NUBPL: variants seen among roughly 807,000 people sequenced by gnomAD.
NUBPL encodes iron-sulfur cluster transfer protein NUBPL.
NUBPL carries 31 observed loss-of-function variants against 45.7 expected under a neutral mutation model. The observed-to-expected ratio is 0.68, with a 90% CI of 0.51 to 0.92. NUBPL has a LOEUF of 0.92. Ranked by LOEUF, NUBPL falls within the 40% of genes least tolerant of loss-of-function variation. NUBPL has a pLI of 0.00. For missense variants in NUBPL, 401 were observed against 398.7 expected (o/e 1.01, Z -0.05); for synonymous variants, 144 against 140.9 (o/e 1.02, Z -0.15).
intron 3 of NUBPL, among the ~76,000 whole-genome samples, chr14:31,593,513 CAAAAA>C (rs34026301): frequency 8.0e-5 from 6 of 75,188 alleles, no homozygotes; most frequent in African/African-American, 2.5e-4. Context: ...GCTTCCGTCT[CAAAAA>C]AAAAAAAAAA....
rs1371293609 is a variant in NUBPL, at chr14:31,730,630, A to AT, written c.513+57065dup. ...AGGTGCCCACCACTATGCCTGACTAATTTTTTTTTGTATTTTTACTAGAGA... is the reference window on the plus strand; with the variant it reads ...AGGTGCCCACCACTATGCCTGACTAATTTTTTTTTTGTATTTTTACTAGAGA... On this transcript the variant is annotated intron_variant, in intron 6 of 10. Coordinates refer to ENST00000281081, the MANE Select transcript of NUBPL (RefSeq NM_025152.3). Among the ~76,000 whole-genome samples, 417 of 150,900 alleles carry AT rather than the reference A, an allele frequency of 2.8e-3. 1 individual carries two copies. Among genetic ancestry groups the AT allele is most frequent in the African/African-American group, 9.2e-3 (377 of 41,128 alleles).
intron 9 of NUBPL, among the ~76,000 whole-genome samples, chr14:31,849,167 T>C (rs1473276685): frequency 3.3e-5 from 5 of 152,220 alleles, no homozygotes; most frequent in Non-Finnish European, 7.3e-5. Flanking sequence ...TCATAGTATA[T>C]ACTGTAATAT....
In NUBPL at chr14:31,788,999, C is replaced by T. The variant is rs752437348; in HGVS notation, c.607+1126C>T. On this transcript the variant is annotated intron_variant, in intron 7 of 10. Coordinates refer to ENST00000281081, the MANE Select transcript of NUBPL (RefSeq NM_025152.3). ...ATACTACTGGTACATGACAGGCACTCGGTAAATATTTATTGAGTGAACACT... is the reference window on the plus strand; with the variant it reads ...ATACTACTGGTACATGACAGGCACTTGGTAAATATTTATTGAGTGAACACT... Among the ~76,000 whole-genome samples the T allele has an allele frequency of 4.5e-4, 69 of 152,138 alleles. 1 individual carries two copies. Among genetic ancestry groups the T allele is most frequent in the Non-Finnish European group, 8.7e-4 (59 of 68,028 alleles).
chr14:31,798,471 T>G (rs2039511691), intron 7 of NUBPL, among the ~76,000 whole-genome samples: 1 of 151,410 alleles, frequency 6.6e-6, no homozygotes. Context: ...TAATTAGTAT[T>G]GTTCCATTGT....
chr14:31,637,158 C>T (rs2035528701), intron 4 of NUBPL, among the ~76,000 whole-genome samples: 1 of 151,954 alleles, frequency 6.6e-6, no homozygotes, highest in Admixed American at 6.6e-5. Context: ...TCTTGCTTTT[C>T]TAGTTCTTTT....
chr14:31,577,135 G>C (rs1439686780), intron 3 of NUBPL, among the ~76,000 whole-genome samples: 1 of 152,178 alleles, frequency 6.6e-6, no homozygotes, highest in African/African-American at 2.4e-5. Context: ...CAAAAGCCTT[G>C]AAACCTTAAC....
At position 31,666,259 on chromosome 14, in the gene NUBPL, A is replaced by ATTTATT. The variant is rs374687192; in HGVS notation, c.383-7095_383-7094insTTATTT. 3.6e-4 allele frequency among the ~76,000 whole-genome samples: 7 copies of ATTTATT among 19,388 alleles called. 1 individual carries two copies. Among genetic ancestry groups the ATTTATT allele is most frequent in the South Asian group, 1.7e-3 (1 of 584 alleles). 12.7% of individuals were successfully genotyped at this position (19,388 alleles called of 152,430 possible). On this transcript the variant is annotated intron_variant, in intron 4 of 10. Transcript: ENST00000281081. The stretch of plus-strand genomic sequence containing the variant: ...TATATATATATATATATATATATAT[A>ATTTATT]TATAATTTTATTTTATTTTTTTTGA...
In NUBPL at chr14:31,561,424, A is replaced by G. The variant is rs1181646952; in HGVS notation, c.-16A>G. 4 of 1,379,544 alleles carry G rather than the reference A, an allele frequency of 2.9e-6. No individual in the cohort carries two copies. The highest frequency in any genetic ancestry group is 1.5e-5 in the African/African-American group (1 of 67,080). The allele number at this position is 1,379,544 out of a possible 1,614,324, so 85.5% of individuals were successfully genotyped here. A position where few individuals can be genotyped will look rare whatever the true frequency, so the allele number is the denominator to read the frequency against. On this transcript the variant is annotated 5_prime_UTR_variant, in exon 1 of 11. Coordinates refer to ENST00000281081, the MANE Select transcript of NUBPL (RefSeq NM_025152.3). ...GCGACAGTTTCCCAGCAGGGCTCAC[A>G]GCAGCGTTCCGCGTCATGGGGATTT...
At chr14:31,612,952 A>G (rs1177331090) in intron 4 of NUBPL, among the ~76,000 whole-genome samples, 2 of 152,192 alleles carry the variant, frequency 1.3e-5, no homozygotes, top group East Asian at 3.9e-4. Flanking sequence ...GTATATACCC[A>G]AAAGGAAGGA....
chr14:31,780,431 C>G (rs892288561), intron 6 of NUBPL, among the ~76,000 whole-genome samples: 9 of 152,084 alleles, frequency 5.9e-5, no homozygotes, highest in African/African-American at 1.7e-4. Flanking sequence ...TTAATGGTTT[C>G]TAAATTTTGT....
intron 6 of NUBPL, among the ~76,000 whole-genome samples, chr14:31,774,945 T>A (rs188977191): frequency 1.7e-4 from 26 of 152,326 alleles, no homozygotes; most frequent in Non-Finnish European, 3.2e-4. Flanking sequence ...ACCAGTCAAC[T>A]TATTAGAATA....
intron 6 of NUBPL, among the ~76,000 whole-genome samples, chr14:31,768,296 A>C (rs1272747648): frequency 2.0e-5 from 3 of 152,234 alleles, no homozygotes; most frequent in Non-Finnish European, 4.4e-5. Context: ...GCTTTAATAA[A>C]CACTTTATCC....
At chr14:31,605,236 T>C (rs2034552641) in intron 4 of NUBPL, among the ~76,000 whole-genome samples, 1 of 152,236 alleles carries the variant, frequency 6.6e-6, no homozygotes, top group African/African-American at 2.4e-5. Context: ...TAAATGGCTG[T>C]TGCACAAGAG....
chr14:31,748,756 G>C (rs2038456584), intron 6 of NUBPL, among the ~76,000 whole-genome samples: 1 of 152,002 alleles, frequency 6.6e-6, no homozygotes, highest in Admixed American at 6.5e-5. Flanking sequence ...GGGATTACAG[G>C]TGTGCACCAC....
intron 4 of NUBPL, among the ~76,000 whole-genome samples, chr14:31,613,419 A>G (rs2034813668): frequency 1.3e-5 from 2 of 151,982 alleles, no homozygotes; most frequent in African/African-American, 4.8e-5. Flanking sequence ...GTAATAACTT[A>G]TTGTACATTT....
intron 9 of NUBPL, among the ~76,000 whole-genome samples, chr14:31,848,407 G>C (rs1340588114): frequency 6.6e-6 from 1 of 152,250 alleles, no homozygotes; most frequent in East Asian, 1.9e-4. Context: ...ACCCTTATTT[G>C]TCCTTTACTG....
At chr14:31,647,750 G>T (rs571028150) in intron 4 of NUBPL, among the ~76,000 whole-genome samples, 2 of 152,254 alleles carry the variant, frequency 1.3e-5, no homozygotes, top group East Asian at 3.9e-4. Context: ...GGTTGAGGCT[G>T]GGACAGATCT....
intron 8 of NUBPL, among the ~76,000 whole-genome samples, chr14:31,837,796 A>G (rs761938628): frequency 2.6e-5 from 4 of 152,228 alleles, no homozygotes; most frequent in Non-Finnish European, 5.9e-5. Context: ...TAAAACATAT[A>G]GTCAACTTTA....
chr14:31,628,197 G>C (rs745898748), intron 4 of NUBPL, among the ~76,000 whole-genome samples: 14 of 152,064 alleles, frequency 9.2e-5, no homozygotes, highest in Non-Finnish European at 1.6e-4. Context: ...GGCAAGTGTT[G>C]GTTTCTTAAA....
Sources: allele counts gnomAD v4.1 joint callset (sites outside exome capture counted in the v4.1 genomes callset), GRCh38; gene constraint gnomAD v4.1.1; transcripts MANE v1.5; gene names NCBI Gene and HGNC (gene_info 2026-07-23, HGNC 2026-07-21).